HTR2C: variants seen among roughly 807,000 people sequenced by gnomAD.
HTR2C encodes 5-hydroxytryptamine (serotonin) receptor 2C, G protein-coupled.
HTR2C carries 5 observed loss-of-function variants against 21.0 expected under a neutral mutation model. That is an observed-to-expected ratio of 0.24 (90% CI 0.12 to 0.50). HTR2C has a LOEUF of 0.50. Ranked by LOEUF, HTR2C falls within the 20% of genes least tolerant of loss-of-function variation. HTR2C has a pLI of 0.98. For missense variants in HTR2C, 271 were observed against 371.2 expected, an observed-to-expected ratio of 0.73 and a Z score of 2.22; for synonymous variants, 150 against 145.3, an observed-to-expected ratio of 1.03 and a Z score of -0.23.
chrX:114,743,933 A>G (rs1486736793), intron 4 of HTR2C, among the ~76,000 whole-genome samples: 1 of 111,886 alleles, frequency 8.9e-6, no homozygotes, highest in African/African-American at 3.2e-5. Context: ...GAAAGAGTAC[A>G]TACTACGTGT....
At chrX:114,599,261 A>C (rs1556393700) in intron 1 of HTR2C, among the ~76,000 whole-genome samples, 2 of 111,968 alleles carry the variant, frequency 1.8e-5, no homozygotes, top group Non-Finnish European at 3.8e-5. Flanking sequence ...CGTATGTTTC[A>C]CAATGAGAGA....
In HTR2C at chrX:114,805,810, CACCATATATAT is replaced by C. The variant is rs1182632938; in HGVS notation, c.350-42171_350-42161del. Among the ~76,000 whole-genome samples, 49 of 93,734 alleles carry C rather than the reference CACCATATATAT, an allele frequency of 5.2e-4. 1 individual carries two copies. Among genetic ancestry groups the C allele is most frequent in the African/African-American group, 1.9e-3 (42 of 21,820 alleles). 81.4% of individuals were successfully genotyped at this position (93,734 alleles called of 115,157 possible). On this transcript the variant is annotated intron_variant, in intron 4 of 5. Coordinates refer to ENST00000276198, the MANE Select transcript of HTR2C (RefSeq NM_000868.4). ...ACACCATATATATACCATGTATATA[CACCATATATAT>C]ACCATATATATACCATATATACCAT...
chrX:114,788,094 T>A (rs1439459565), intron 4 of HTR2C, among the ~76,000 whole-genome samples: 1 of 111,371 alleles, frequency 9.0e-6, no homozygotes, highest in Non-Finnish European at 1.9e-5. Context: ...GTTGTTTTTT[T>A]ACCCAATAGT....
At chrX:114,896,997 A>G (rs1556484217) in intron 5 of HTR2C, among the ~76,000 whole-genome samples, 1 of 110,933 alleles carries the variant, frequency 9.0e-6, no homozygotes, top group Non-Finnish European at 1.9e-5. Flanking sequence ...TTGACTTTTT[A>G]TCTATATATT....
At chrX:114,875,102 A>T (rs2071123128) in intron 5 of HTR2C, among the ~76,000 whole-genome samples, 1 of 111,203 alleles carries the variant, frequency 9.0e-6, no homozygotes, top group Admixed American at 9.6e-5. Context: ...ACTTTCTCAT[A>T]GTCTGCACCC....
At chrX:114,875,677 T>A (rs2147514077) in intron 5 of HTR2C, among the ~76,000 whole-genome samples, 1 of 111,207 alleles carries the variant, frequency 9.0e-6, no homozygotes, top group African/African-American at 3.3e-5. Context: ...TTATGTATTT[T>A]TTATGCCCCT....
chrX:114,840,699 T>C, intron 4 of HTR2C, among the ~76,000 whole-genome samples: 1 of 111,901 alleles, frequency 8.9e-6, no homozygotes, highest in Non-Finnish European at 1.9e-5. Context: ...GCATCATAAG[T>C]ATAAATTCTG....
chrX:114,813,350 A>T (rs782726384), intron 4 of HTR2C, among the ~76,000 whole-genome samples: 2 of 112,070 alleles, frequency 1.8e-5, no homozygotes, highest in South Asian at 7.3e-4. Context: ...TCACTCAGAC[A>T]GTTGAATTCA....
chrX:114,906,596 A>G lies in HTR2C; in HGVS notation c.558A>G (p.Ser186=), dbSNP rs781863069. ...AIVWAISIGV[S]VPIPVIGLRD... is the part of the protein sequence containing the mutation. ...TCCTTTTTCTTCCTTTAGGTGTATC[A>G]GTTCCTATCCCTGTGATTGGACTGA... is the stretch of plus-strand genomic sequence containing the variant. Residue 186 remains serine (S), a synonymous_variant, in exon 6 of 6, where the codon TCA becomes TCG. Coordinates refer to ENST00000276198, the MANE Select transcript of HTR2C (RefSeq NM_000868.4). 3 of 1,192,300 alleles carry G rather than the reference A, an allele frequency of 2.5e-6. No individual in the cohort carries two copies. Among genetic ancestry groups the G allele is most frequent in the East Asian group, 5.9e-5 (2 of 33,716 alleles).
chrX:114,825,551 C>T (rs1328390988), intron 4 of HTR2C, among the ~76,000 whole-genome samples: 1 of 111,180 alleles, frequency 9.0e-6, no homozygotes, highest in Non-Finnish European at 1.9e-5. Context: ...CTTTCCTGGT[C>T]AATTTTCCAT....
chrX:114,876,422 C>CTTTTTTTTTTTTTTTTTTTTTTTTTT (rs60498146), intron 5 of HTR2C, among the ~76,000 whole-genome samples: 13 of 62,385 alleles, frequency 2.1e-4, no homozygotes, highest in East Asian at 6.0e-4. Context: ...CTTTTTCTTT[C>CTTTTTTTTTTTTTTTTTTTTTTTTTT]TTTTTTTTTT....
chrX:114,698,123 C>G, intron 2 of HTR2C, among the ~76,000 whole-genome samples: 1 of 112,322 alleles, frequency 8.9e-6, no homozygotes, highest in Middle Eastern at 4.6e-3. Context: ...TTTCCATGGT[C>G]AAAGCCAGCG....
At chrX:114,594,653 C>A (rs1556392076) in intron 1 of HTR2C, among the ~76,000 whole-genome samples, 1 of 111,553 alleles carries the variant, frequency 9.0e-6, no homozygotes, top group Non-Finnish European at 1.9e-5. Flanking sequence ...GCTCTAAAGG[C>A]TTCAGAAAGA....
At chrX:114,699,430 G>A (rs1248708469) in intron 2 of HTR2C, among the ~76,000 whole-genome samples, 1 of 111,505 alleles carries the variant, frequency 9.0e-6, no homozygotes, top group African/African-American at 3.3e-5. Context: ...TGGAATTGGT[G>A]TAATTATTTC....
intron 1 of HTR2C, among the ~76,000 whole-genome samples, chrX:114,603,352 C>T (rs1928228213): frequency 9.1e-6 from 1 of 109,743 alleles, no homozygotes; most frequent in South Asian, 4.0e-4. Context: ...TTGAGGGCCT[C>T]TAAAAGTATT....
intron 4 of HTR2C, among the ~76,000 whole-genome samples, chrX:114,812,714 G>C (rs782760332): frequency 9.6e-6 from 1 of 104,261 alleles, no homozygotes; most frequent in Non-Finnish European, 1.9e-5. Context: ...GGGCGACAGA[G>C]TGAGACTCCA....
At chrX:114,624,145 C>T (rs1929286037) in intron 2 of HTR2C, among the ~76,000 whole-genome samples, 1 of 109,736 alleles carries the variant, frequency 9.1e-6, no homozygotes, top group South Asian at 3.9e-4. Flanking sequence ...ATCCGCCCGC[C>T]TCAGCCTCCC....
intron 1 of HTR2C, among the ~76,000 whole-genome samples, chrX:114,612,344 AATCCC>A (rs1928775749): frequency 1.8e-5 from 2 of 111,936 alleles, no homozygotes; most frequent in African/African-American, 6.5e-5. Flanking sequence ...TTTTAAAAAT[AATCCC>A]TGCATTTAAA....
chrX:114,792,494 C>T (rs368507250), intron 4 of HTR2C, among the ~76,000 whole-genome samples: 6 of 111,710 alleles, frequency 5.4e-5, no homozygotes, highest in African/African-American at 1.9e-4. Flanking sequence ...TATATATGTA[C>T]CACATTTTCT....
Sources: allele counts gnomAD v4.1 joint callset (sites outside exome capture counted in the v4.1 genomes callset), GRCh38; gene constraint gnomAD v4.1.1; transcripts MANE v1.5; gene names NCBI Gene and HGNC (gene_info 2026-07-23, HGNC 2026-07-21).